Variants in STXBP5L observed in about 807,000 individuals in gnomAD.
STXBP5L encodes syntaxin binding protein 5L.
A neutral mutation model predicts 144.5 loss-of-function variants in STXBP5L; 65 were observed. The observed-to-expected ratio is 0.45, with a 90% CI of 0.37 to 0.55. The LOEUF (loss-of-function observed/expected upper bound fraction) is 0.55. STXBP5L is among the 20% of genes least tolerant of loss of function. The pLI is 0.00. For missense variants in STXBP5L, 1,298 were observed against 1,405.5 expected, an observed-to-expected ratio of 0.92 and a Z score of 1.22; for synonymous variants, 505 against 469.6, an observed-to-expected ratio of 1.08 and a Z score of -0.97.
At chr3:121,286,103 A>T (rs965631120) in intron 19 of STXBP5L, among the ~76,000 whole-genome samples, 1 of 152,206 alleles carries the variant, frequency 6.6e-6, no homozygotes, top group Non-Finnish European at 1.5e-5. Context: ...CTTAATGTAG[A>T]GAATTGTCTA....
At chr3:120,948,468 C>G (rs1445239770) in intron 2 of STXBP5L, among the ~76,000 whole-genome samples, 1 of 151,658 alleles carries the variant, frequency 6.6e-6, no homozygotes, top group Non-Finnish European at 1.5e-5. Context: ...TAGATAACTA[C>G]TTTAGTGCTA....
chr3:120,965,215 G>C (rs1939411064), intron 3 of STXBP5L, among the ~76,000 whole-genome samples: 2 of 151,992 alleles, frequency 1.3e-5, no homozygotes, highest in Admixed American at 1.3e-4. Context: ...CACACTGATG[G>C]GTGTTGACTG....
At chr3:121,004,226 C>T (rs1447143822) in intron 3 of STXBP5L, among the ~76,000 whole-genome samples, 9 of 151,818 alleles carry the variant, frequency 5.9e-5, no homozygotes, top group African/African-American at 1.2e-4. Flanking sequence ...TTTATTTCAT[C>T]GAGCAGTGGT....
At chr3:121,324,455 G>C (rs1016696857) in intron 20 of STXBP5L, 1 of 660,244 alleles carries the variant, frequency 1.5e-6, no homozygotes, top group Non-Finnish European at 2.7e-6. Context: ...TTAGGCTAAG[G>C]TACTCCATGC....
At position 121,012,727 on chromosome 3, in the gene STXBP5L, G is replaced by A. The variant is rs542975962; in HGVS notation, c.288-28973G>A. Among the ~76,000 whole-genome samples, 7 of 151,856 alleles carry A rather than the reference G, an allele frequency of 4.6e-5. No homozygotes were observed. In the South Asian group the frequency reaches 1.5e-3, roughly 32 times the overall value. Reference sequence around the variant, plus strand: ...TTAGGGGATACATGTGCATGTGCAGGTTTGTTACATTGGTATGTTGTTTGA... The same window carrying A: ...TTAGGGGATACATGTGCATGTGCAGATTTGTTACATTGGTATGTTGTTTGA... On this transcript the variant is annotated intron_variant, in intron 3 of 26. Transcript: ENST00000471454.
At chr3:121,204,300 A>G (rs2048252260) in intron 9 of STXBP5L, among the ~76,000 whole-genome samples, 1 of 152,142 alleles carries the variant, frequency 6.6e-6, no homozygotes, top group Non-Finnish European at 1.5e-5. Context: ...CTAAGACATC[A>G]TGATCTACAT....
At chr3:121,015,739 G>C (rs1356420066) in intron 3 of STXBP5L, among the ~76,000 whole-genome samples, 1 of 152,000 alleles carries the variant, frequency 6.6e-6, no homozygotes, top group African/African-American at 2.4e-5. Flanking sequence ...GTATTTTCCT[G>C]GAAAAAAGGC....
intron 7 of STXBP5L, among the ~76,000 whole-genome samples, chr3:121,131,008 A>G (rs565436266): frequency 1.7e-4 from 26 of 152,134 alleles, no homozygotes; most frequent in Non-Finnish European, 3.7e-4. Context: ...TTAAGAAAAT[A>G]AAGCAAAAGG....
intron 5 of STXBP5L, among the ~76,000 whole-genome samples, chr3:121,046,506 G>A (rs920665744): frequency 6.6e-6 from 1 of 152,056 alleles, no homozygotes; most frequent in Admixed American, 6.6e-5. Flanking sequence ...TTTATGGTTG[G>A]TAGGCTTTTT....
chr3:121,077,933 G>A (rs1043168565), intron 5 of STXBP5L, among the ~76,000 whole-genome samples: 4 of 150,562 alleles, frequency 2.7e-5, no homozygotes, highest in African/African-American at 9.8e-5. Context: ...CAATCCCTTA[G>A]CTAGACATAA....
chr3:121,412,690 T>C (rs376333731), intron 23 of STXBP5L, among the ~76,000 whole-genome samples: 5 of 133,842 alleles, frequency 3.7e-5, no homozygotes, highest in Non-Finnish European at 6.2e-5. Context: ...TTTGTAAACA[T>C]TACTATTTCT....
chr3:120,979,338 G>A (rs1344814215), intron 3 of STXBP5L, among the ~76,000 whole-genome samples: 1 of 152,230 alleles, frequency 6.6e-6, no homozygotes, highest in Non-Finnish European at 1.5e-5. Flanking sequence ...CGTGGGCATA[G>A]GACCCTCCGA....
At chr3:121,180,661 G>T (rs1219810680) in intron 9 of STXBP5L, among the ~76,000 whole-genome samples, 1 of 152,184 alleles carries the variant, frequency 6.6e-6, no homozygotes, top group Non-Finnish European at 1.5e-5. Context: ...GATCACTTGA[G>T]TTCAGCGGTT....
At chr3:121,346,674 G>C (rs1040643544) in intron 20 of STXBP5L, among the ~76,000 whole-genome samples, 11 of 152,130 alleles carry the variant, frequency 7.2e-5, no homozygotes, top group African/African-American at 2.4e-4. Context: ...TCTCATTGTG[G>C]TTTTGATTTG....
chr3:121,142,979 A>G (rs2045569277), intron 7 of STXBP5L, among the ~76,000 whole-genome samples: 1 of 151,896 alleles, frequency 6.6e-6, no homozygotes, highest in African/African-American at 2.4e-5. Context: ...AGCTACACTA[A>G]GTAAAAAAGA....
intron 26 of STXBP5L, 140 bp downstream of exon 26, chr3:121,418,697 T>G: frequency 1.2e-6 from 1 of 857,438 alleles, no homozygotes; most frequent in Non-Finnish European, 1.8e-6. Context: ...CTTCTAAGTA[T>G]TATAATTCTC....
intron 3 of STXBP5L, among the ~76,000 whole-genome samples, chr3:120,997,043 G>A (rs1943405868): frequency 6.6e-6 from 1 of 152,120 alleles, no homozygotes; most frequent in Non-Finnish European, 1.5e-5. Flanking sequence ...GTGAGAACAT[G>A]CAGTATTGGT....
intron 19 of STXBP5L, among the ~76,000 whole-genome samples, chr3:121,298,575 C>A (rs2051755618): frequency 6.6e-6 from 1 of 151,994 alleles, no homozygotes; most frequent in East Asian, 1.9e-4. Flanking sequence ...GAATATTAGC[C>A]TTAAAGAAAA....
At chr3:121,305,666 C>T (rs994661855) in intron 19 of STXBP5L, among the ~76,000 whole-genome samples, 1 of 151,994 alleles carries the variant, frequency 6.6e-6, no homozygotes, top group Non-Finnish European at 1.5e-5. Flanking sequence ...ATAAACCGTA[C>T]TAAGAAAAAT....
Sources: allele counts gnomAD v4.1 joint callset (sites outside exome capture counted in the v4.1 genomes callset), GRCh38; gene constraint gnomAD v4.1.1; transcripts MANE v1.5; gene names NCBI Gene and HGNC (gene_info 2026-07-23, HGNC 2026-07-21).